ADGRL3: variants seen among roughly 807,000 people sequenced by gnomAD.
ADGRL3 encodes adhesion G protein-coupled receptor L3, also known as calcium-independent alpha-latrotoxin receptor 3.
ADGRL3 carries 62 observed loss-of-function variants against 153.5 expected under a neutral mutation model. The observed-to-expected ratio is 0.40, with a 90% CI of 0.33 to 0.50. The LOEUF is 0.50. Ranked by LOEUF, ADGRL3 falls within the 20% of genes least tolerant of loss-of-function variation. The pLI is 0.47. For missense variants in ADGRL3, 1,641 were observed against 1,859.4 expected (o/e 0.88, Z 2.16); for synonymous variants, 710 against 672.5 (o/e 1.06, Z -0.86).
chr4:61,772,499 C>T (rs529961711), intron 8 of ADGRL3, among the ~76,000 whole-genome samples: 5 of 152,068 alleles, frequency 3.3e-5, no homozygotes, highest in Non-Finnish European at 5.9e-5. Flanking sequence ...AAGTTTTACA[C>T]GACATGAGAG....
At chr4:61,341,229 T>C (rs1002187007) in intron 1 of ADGRL3, among the ~76,000 whole-genome samples, 11 of 151,986 alleles carry the variant, frequency 7.2e-5, no homozygotes, top group Non-Finnish European at 1.3e-4. Flanking sequence ...TCAATAAATT[T>C]TGAGGAATAG....
rs369659283 is a variant in ADGRL3 at position 61,909,613 on chromosome 4, A to G, written c.1941A>G (p.Thr647=). The change falls in exon 12 of 27, where the codon ACA becomes ACG. Residue 647 remains threonine (T), a synonymous_variant. Transcript: ENST00000683033. The part of the protein sequence containing the change: ...ANIARELAEQ[T]RNHLNAGDIT... ...TTGCTAGAGAGCTGGCTGAACAGAC[A>G]AGAAATCACTTGAATGCTGGGGACA... is the stretch of plus-strand genomic sequence containing the variant. The G allele has an allele frequency of 5.6e-5, 91 of 1,613,572 alleles. No individual in the cohort carries two copies. The highest frequency in any genetic ancestry group is 2.3e-5 in the Non-Finnish European group (27 of 1,179,798).
chr4:61,538,139 A>G (rs2098668413), intron 4 of ADGRL3, among the ~76,000 whole-genome samples: 2 of 152,098 alleles, frequency 1.3e-5, no homozygotes, highest in Non-Finnish European at 2.9e-5. Flanking sequence ...GGGAAATAAA[A>G]AAATAAAATA....
chr4:61,485,356 T>C (rs2098178908), intron 2 of ADGRL3, among the ~76,000 whole-genome samples: 1 of 152,234 alleles, frequency 6.6e-6, no homozygotes, highest in African/African-American at 2.4e-5. Flanking sequence ...ATATCCTTTT[T>C]ATGTAAAGAA....
chr4:61,437,343 T>A (rs1246537798), intron 2 of ADGRL3, among the ~76,000 whole-genome samples: 1 of 152,194 alleles, frequency 6.6e-6, no homozygotes, highest in Non-Finnish European at 1.5e-5. Flanking sequence ...TTCTTTGCAT[T>A]TTTGTCATTG....
intron 21 of ADGRL3, among the ~76,000 whole-genome samples, chr4:62,020,480 A>G (rs1331520173): frequency 6.6e-6 from 1 of 152,086 alleles, no homozygotes; most frequent in Non-Finnish European, 1.5e-5. Context: ...TTTAATCATA[A>G]ATATCAATAA....
At chr4:61,377,107 G>A (rs147960857) in intron 1 of ADGRL3, among the ~76,000 whole-genome samples, 2,814 of 152,056 alleles carry the variant, frequency 0.019, 81 homozygotes, top group Admixed American at 0.068. Context: ...GGGTTCTTCC[G>A]TTCCCTTCTT....
intron 9 of ADGRL3, among the ~76,000 whole-genome samples, chr4:61,826,058 G>A (rs992874735): frequency 6.6e-6 from 1 of 152,164 alleles, no homozygotes; most frequent in African/African-American, 2.4e-5. Context: ...GTACAATAGT[G>A]AATGCCTAGG....
intron 1 of ADGRL3, among the ~76,000 whole-genome samples, chr4:61,339,772 G>A (rs1045106915): frequency 6.6e-6 from 1 of 152,108 alleles, no homozygotes. Context: ...GTCAAAGATG[G>A]TTCTGTGGTT....
intron 11 of ADGRL3, among the ~76,000 whole-genome samples, chr4:61,905,032 TAAAAC>T (rs1473838602): frequency 6.6e-6 from 1 of 152,044 alleles, no homozygotes; most frequent in African/African-American, 2.4e-5. Flanking sequence ...ATTAACAAAA[TAAAAC>T]AATAGTAATT....
At chr4:61,787,485 A>G (rs986595725) in intron 8 of ADGRL3, among the ~76,000 whole-genome samples, 2 of 152,086 alleles carry the variant, frequency 1.3e-5, no homozygotes, top group African/African-American at 4.8e-5. Context: ...ACAATTTTAT[A>G]AAGTAACAAC....
At position 61,955,711 on chromosome 4, in the gene ADGRL3, G is replaced by A. The variant is rs566978165; in HGVS notation, c.2805+7435G>A. Among the ~76,000 whole-genome samples, 121 of 152,066 alleles carry A rather than the reference G, an allele frequency of 8.0e-4. 1 individual carries two copies. The highest frequency in any genetic ancestry group is 2.8e-3 in the African/African-American group (117 of 41,486). ...ACCCCCCAATCCCACAACAGGGCCT[G>A]GTGTGTGTTGTTCCCCTCCCTGTAT... On this transcript the variant is annotated intron_variant, in intron 17 of 26. Coordinates refer to ENST00000683033, the MANE Select transcript of ADGRL3 (RefSeq NM_001387552.1).
At chr4:61,494,076 T>C (rs2098285392) in intron 2 of ADGRL3, among the ~76,000 whole-genome samples, 1 of 149,078 alleles carries the variant, frequency 6.7e-6, no homozygotes, top group South Asian at 2.1e-4. Context: ...TACTTTACTG[T>C]GTCCTGTTTT....
chr4:61,422,925 G>C (rs2097224292), intron 2 of ADGRL3, among the ~76,000 whole-genome samples: 1 of 151,964 alleles, frequency 6.6e-6, no homozygotes, highest in East Asian at 1.9e-4. Flanking sequence ...TTATATAGAT[G>C]ACTGAAAAAG....
chr4:61,916,707 C>T (rs1340732387), intron 13 of ADGRL3, among the ~76,000 whole-genome samples: 1 of 152,178 alleles, frequency 6.6e-6, no homozygotes, highest in Non-Finnish European at 1.5e-5. Context: ...AAACCCAGCA[C>T]TTTGGAAGGC....
intron 2 of ADGRL3, among the ~76,000 whole-genome samples, chr4:61,399,353 G>A (rs1167237589): frequency 1.3e-5 from 2 of 151,564 alleles, no homozygotes; most frequent in Non-Finnish European, 3.0e-5. Context: ...AACTTTGAAA[G>A]TTTACGTTAA....
At chr4:61,803,997 C>T (rs1483284084) in intron 8 of ADGRL3, among the ~76,000 whole-genome samples, 1 of 152,094 alleles carries the variant, frequency 6.6e-6, no homozygotes, top group Non-Finnish European at 1.5e-5. Flanking sequence ...GAACAATTTG[C>T]ACAAACAATT....
chr4:61,283,525 A>G (rs974444755), intron 1 of ADGRL3, among the ~76,000 whole-genome samples: 6 of 151,924 alleles, frequency 3.9e-5, no homozygotes, highest in African/African-American at 1.2e-4. Flanking sequence ...TCTCAGCTCT[A>G]TTGATCACAA....
intron 1 of ADGRL3, among the ~76,000 whole-genome samples, chr4:61,250,597 C>T (rs1758856298): frequency 6.6e-6 from 1 of 152,170 alleles, no homozygotes; most frequent in African/African-American, 2.4e-5. Context: ...GCCAGTTATT[C>T]AGATGTGAAC....
Sources: gnomAD v4.1 joint callset for allele counts (sites outside exome capture counted in the v4.1 genomes callset) on GRCh38, gnomAD v4.1.1 for gene constraint, MANE v1.5 for transcripts, NCBI Gene and HGNC (gene_info 2026-07-23, HGNC 2026-07-21) for gene names.